The following PDE4D variants were observed in gnomAD, a reference collection of about 807,000 sequenced individuals.
The protein encoded by PDE4D is 3',5'-cyclic-AMP phosphodiesterase 4D.
A neutral mutation model predicts 87.4 loss-of-function variants in PDE4D; 24 were observed. The observed-to-expected ratio is 0.27, with a 90% CI of 0.20 to 0.39. PDE4D has a LOEUF of 0.39. Ranked by LOEUF, PDE4D falls within the 10% of genes least tolerant of loss-of-function variation. PDE4D has a pLI of 1.00. For synonymous variants in PDE4D, 384 were observed against 383.2 expected, an observed-to-expected ratio of 1.00 and a Z score of -0.02; for missense variants, 714 against 1,041.0, an observed-to-expected ratio of 0.69 and a Z score of 4.32.
chr5:60,228,173 T>C (rs1429897820), intron 1 of PDE4D, among the ~76,000 whole-genome samples: 1 of 152,058 alleles, frequency 6.6e-6, no homozygotes, highest in Non-Finnish European at 1.5e-5. Context: ...CCCTATACTT[T>C]CCCTCTACCA....
At chr5:60,422,822 T>G (rs1482392750) in intron 1 of PDE4D, among the ~76,000 whole-genome samples, 2 of 152,088 alleles carry the variant, frequency 1.3e-5, no homozygotes, top group African/African-American at 4.8e-5. Context: ...GAGAAACATA[T>G]AGGTTCAAAA....
At chr5:59,638,955 T>C (rs1434305641) in intron 1 of PDE4D, among the ~76,000 whole-genome samples, 6 of 152,168 alleles carry the variant, frequency 3.9e-5, no homozygotes, top group African/African-American at 1.4e-4. Context: ...CTATCTTTTG[T>C]AAAGGGCTAC....
At chr5:59,677,123 G>C (rs929556739) in intron 1 of PDE4D, among the ~76,000 whole-genome samples, 7 of 151,706 alleles carry the variant, frequency 4.6e-5, no homozygotes, top group African/African-American at 1.7e-4. Context: ...AAAAAGTTGA[G>C]ATCTTTTTTT....
chr5:59,365,065 G>T (rs563130891), intron 1 of PDE4D, among the ~76,000 whole-genome samples: 1 of 152,198 alleles, frequency 6.6e-6, no homozygotes, highest in Non-Finnish European at 1.5e-5. Flanking sequence ...CTGGGCTTAG[G>T]TTTATTTAAA....
Position 59,215,987 on chromosome 5 carries a change from G to T in PDE4D, c.456-19C>A, listed in dbSNP as rs763582903. ...ATCAAAACTGTAAAGGAAGGAGAAGGAATTATGTTGCTGTGAACATTCACA... is the reference window on the plus strand; with the variant it reads ...ATCAAAACTGTAAAGGAAGGAGAAGTAATTATGTTGCTGTGAACATTCACA... On this transcript the variant is annotated intron_variant, in intron 1 of 14. Coordinates refer to ENST00000340635, the MANE Select transcript of PDE4D (RefSeq NM_001104631.2). The T allele has an allele frequency of 2.9e-5, 46 of 1,572,670 alleles. No individual in the cohort carries two copies. The East Asian group carries it at 9.5e-4, about 32-fold the overall frequency.
intron 6 of PDE4D, among the ~76,000 whole-genome samples, chr5:59,018,267 G>C (rs10035257): frequency 0.1 from 15,623 of 152,112 alleles, 1,031 homozygotes; most frequent in Non-Finnish European, 0.13. Context: ...ATTTCAAATT[G>C]GCATAATTTT....
chr5:59,462,286 A>G (rs1007163152), intron 1 of PDE4D, among the ~76,000 whole-genome samples: 1 of 151,998 alleles, frequency 6.6e-6, no homozygotes, highest in African/African-American at 2.4e-5. Context: ...TTGCAAAACT[A>G]TTTCCTTGGA....
chr5:60,449,145 A>AC (rs1363394021), intron 1 of PDE4D, among the ~76,000 whole-genome samples: 4 of 150,128 alleles, frequency 2.7e-5, no homozygotes, highest in Non-Finnish European at 5.9e-5. Context: ...AGAAACCATT[A>AC]ATTTGCTAAA....
chr5:60,381,843 G>T (rs1330092654), intron 1 of PDE4D, among the ~76,000 whole-genome samples: 1 of 151,998 alleles, frequency 6.6e-6, no homozygotes, highest in Non-Finnish European at 1.5e-5. Flanking sequence ...AATGAATAAG[G>T]CACTGAGGAA....
intron 2 of PDE4D, among the ~76,000 whole-genome samples, chr5:60,027,640 C>T (rs1766781800): frequency 6.6e-6 from 1 of 152,186 alleles, no homozygotes; most frequent in Non-Finnish European, 1.5e-5. Flanking sequence ...TCATCACAGG[C>T]TTTGCCAGTT....
intron 2 of PDE4D, among the ~76,000 whole-genome samples, chr5:60,098,280 T>C (rs1024086107): frequency 8.6e-5 from 13 of 151,964 alleles, no homozygotes; most frequent in African/African-American, 3.1e-4. Flanking sequence ...ATATTTCAAA[T>C]AGCTAGAATA....
At chr5:59,810,522 C>T (rs1017480899) in intron 1 of PDE4D, among the ~76,000 whole-genome samples, 2 of 152,104 alleles carry the variant, frequency 1.3e-5, no homozygotes, top group African/African-American at 4.8e-5. Flanking sequence ...AAATAGAAAA[C>T]CTCTGGGCCA....
Position 59,428,311 on chromosome 5 carries a change from A to AT in PDE4D, c.456-212344dup, listed in dbSNP as rs966688166. Reference sequence around the variant, plus strand: ...CTCTATGGATTTTCGTGAAAAGCCAATTTTTTTTATCTTTTATTTTTTGTC... The same window carrying AT: ...CTCTATGGATTTTCGTGAAAAGCCAATTTTTTTTTATCTTTTATTTTTTGTC... On this transcript the variant is annotated intron_variant, in intron 1 of 14. Coordinates refer to ENST00000340635, the MANE Select transcript of PDE4D (RefSeq NM_001104631.2). Among the ~76,000 whole-genome samples the AT allele has an allele frequency of 5.3e-5, 8 of 152,054 alleles. No homozygotes were observed. In the East Asian group the frequency reaches 1.4e-3, roughly 26 times the overall value.
intron 1 of PDE4D, among the ~76,000 whole-genome samples, chr5:59,417,005 CAA>C (rs1404372913): frequency 2.6e-5 from 4 of 152,038 alleles, no homozygotes; most frequent in African/African-American, 9.7e-5. Context: ...GTATTTCACC[CAA>C]GAGATATTCC....
intron 5 of PDE4D, among the ~76,000 whole-genome samples, chr5:59,153,452 C>T (rs980636587): frequency 1.3e-5 from 2 of 152,176 alleles, no homozygotes; most frequent in African/African-American, 4.8e-5. Flanking sequence ...GAAGATCATC[C>T]ATCATCCACT....
chr5:59,818,786 T>C (rs1054042263), intron 1 of PDE4D, among the ~76,000 whole-genome samples: 2 of 151,694 alleles, frequency 1.3e-5, no homozygotes, highest in African/African-American at 2.4e-5. Context: ...ACAGGTAAAA[T>C]ATCCTTTCTG....
intron 1 of PDE4D, among the ~76,000 whole-genome samples, chr5:60,222,198 G>A (rs562808446): frequency 6.6e-6 from 1 of 152,182 alleles, no homozygotes; most frequent in South Asian, 2.1e-4. Flanking sequence ...GCTTCCAGGA[G>A]GACACTCACG....
chr5:60,103,111 G>A (rs570755575), intron 2 of PDE4D, among the ~76,000 whole-genome samples: 30 of 152,226 alleles, frequency 2.0e-4, no homozygotes, highest in African/African-American at 7.2e-4. Flanking sequence ...ACTCCTGCAG[G>A]GAGGTACCAT....
intron 2 of PDE4D, among the ~76,000 whole-genome samples, chr5:60,087,640 G>A (rs1774677332): frequency 6.6e-6 from 1 of 151,758 alleles, no homozygotes; most frequent in African/African-American, 2.4e-5. Context: ...TAGCAGACTT[G>A]ATCAAAAAGA....
Sources: gnomAD v4.1 joint callset for allele counts (sites outside exome capture counted in the v4.1 genomes callset) on GRCh38, gnomAD v4.1.1 for gene constraint, MANE v1.5 for transcripts, NCBI Gene and HGNC (gene_info 2026-07-23, HGNC 2026-07-21) for gene names.